AVEN: variants seen among roughly 807,000 people sequenced by gnomAD.
AVEN encodes the protein apoptosis and caspase activation inhibitor, also known as cell death regulator Aven.
A neutral mutation model predicts 38.1 loss-of-function variants in AVEN; 41 were observed. That is an observed-to-expected ratio of 1.08 (90% CI 0.84 to 1.40). The LOEUF is 1.40. AVEN is among the 40% of genes most tolerant of loss of function. The pLI, the probability that AVEN is intolerant of heterozygous loss-of-function variation, is 0.00. For synonymous variants in AVEN, 206 were observed against 171.8 expected (o/e 1.20, Z -1.56); for missense variants, 605 against 438.8 (o/e 1.38, Z -3.38).
At chr15:33,980,418 A>G (rs1896083673) in intron 2 of AVEN, among the ~76,000 whole-genome samples, 1 of 152,224 alleles carries the variant, frequency 6.6e-6, no homozygotes, top group African/African-American at 2.4e-5. Flanking sequence ...AGGCTGTTAT[A>G]GTACCGTCCC....
downstream of AVEN, among the ~76,000 whole-genome samples, chr15:33,858,379 T>A (rs1170615175): frequency 6.6e-6 from 1 of 151,700 alleles, no homozygotes; most frequent in African/African-American, 2.4e-5. Flanking sequence ...TAATTTTGTA[T>A]TTTTTTTAGT....
At chr15:33,889,334 G>A (rs1461561891) in intron 2 of AVEN, among the ~76,000 whole-genome samples, 1 of 152,052 alleles carries the variant, frequency 6.6e-6, no homozygotes, top group Non-Finnish European at 1.5e-5. Flanking sequence ...TCCCACCAAT[G>A]CCAAGATCAT....
intron 2 of AVEN, among the ~76,000 whole-genome samples, chr15:33,989,514 G>T (rs568722248): frequency 4.6e-5 from 7 of 150,604 alleles, no homozygotes; most frequent in African/African-American, 1.7e-4. Context: ...CGCCCACCAA[G>T]TGTTCCTTCT....
intron 2 of AVEN, among the ~76,000 whole-genome samples, chr15:33,883,182 C>T (rs546523544): frequency 5.3e-5 from 8 of 152,306 alleles, no homozygotes; most frequent in East Asian, 3.9e-4. Flanking sequence ...CAAACAACAT[C>T]TTGTTCCTCT....
intron 5 of AVEN, among the ~76,000 whole-genome samples, chr15:34,048,219 G>A (rs1452503169): frequency 6.6e-6 from 1 of 152,246 alleles, no homozygotes; most frequent in African/African-American, 2.4e-5. Context: ...CCTCCTCACT[G>A]GGTGGGATCT....
chr15:34,065,226 A>G (rs1900479270), intron 4 of AVEN: 1 of 152,390 alleles, frequency 6.6e-6, no homozygotes, highest in Non-Finnish European at 1.5e-5. Flanking sequence ...AGAGCCCTTC[A>G]CTGGCTGAAG....
At chr15:34,042,644 C>G (rs1351160051), upstream of AVEN, among the ~76,000 whole-genome samples, 3 of 151,808 alleles carry the variant, frequency 2.0e-5, no homozygotes, top group Admixed American at 6.6e-5. Context: ...CTCAGGTGAT[C>G]CATCCGCCTC....
downstream of AVEN, chr15:33,864,051 C>G: frequency 1.0e-6 from 1 of 965,340 alleles, no homozygotes; most frequent in East Asian, 2.5e-5. Flanking sequence ...GACCAACTAG[C>G]CTTTCTGAGC....
intron 1 of AVEN, among the ~76,000 whole-genome samples, chr15:34,020,603 C>T (rs547195078): frequency 1.8e-4 from 28 of 152,316 alleles, no homozygotes; most frequent in Non-Finnish European, 3.8e-4. Flanking sequence ...ACTGCACTTT[C>T]ATTAGTACTT....
intron 1 of AVEN, among the ~76,000 whole-genome samples, chr15:34,037,658 T>A (rs960292307): frequency 6.6e-6 from 1 of 151,432 alleles, no homozygotes; most frequent in Admixed American, 6.6e-5. Context: ...TTACACGAGG[T>A]AAACTGACCC....
chr15:34,068,649 G>A (rs4411478), intron 2 of AVEN, among the ~76,000 whole-genome samples: 150,696 of 152,290 alleles, frequency 0.99, 74,582 homozygotes, highest in Middle Eastern at 1. Flanking sequence ...TTCTATTTGG[G>A]AAACTAATAT....
chr15:33,930,858 G>A (rs916704761), intron 2 of AVEN, among the ~76,000 whole-genome samples: 4 of 151,556 alleles, frequency 2.6e-5, no homozygotes, highest in African/African-American at 9.7e-5. Context: ...GGGAGGCTGA[G>A]GCAGGAGAGT....
chr15:33,932,160 A>G (rs1315556242), intron 2 of AVEN, among the ~76,000 whole-genome samples: 1 of 152,256 alleles, frequency 6.6e-6, no homozygotes, highest in Non-Finnish European at 1.5e-5. Flanking sequence ...AGAAATGAGC[A>G]GAACCTTGAA....
At chr15:33,971,700 A>C (rs1895646220) in intron 2 of AVEN, among the ~76,000 whole-genome samples, 1 of 152,078 alleles carries the variant, frequency 6.6e-6, no homozygotes, top group African/African-American at 2.4e-5. Flanking sequence ...TATAACTTTA[A>C]GTTTTCATAA....
At position 33,871,031 on chromosome 15, in the gene AVEN, CTA is replaced by C. The variant is rs746931251; in HGVS notation, c.517-3_517-2del. On this transcript the variant is annotated splice_acceptor_variant and splice_polypyrimidine_tract_variant and intron_variant, in intron 3 of 5. Transcript: ENST00000306730. LOFTEE classifies it high-confidence loss of function. ...CACTATCCACATAAAATGCTGAATT[CTA>C]TATATATATATAAAAGAAAATAAAA... 1,193 of 1,480,680 alleles carry C rather than the reference CTA, an allele frequency of 8.1e-4. No homozygotes were observed. Among genetic ancestry groups the C allele is most frequent in the Middle Eastern group, 1.1e-3 (5 of 4,708 alleles). 91.7% of individuals were successfully genotyped at this position (1,480,680 alleles called of 1,614,324 possible).
chr15:33,887,641 T>C (rs1218442188), intron 2 of AVEN, among the ~76,000 whole-genome samples: 3 of 152,100 alleles, frequency 2.0e-5, no homozygotes, highest in African/African-American at 7.2e-5. Context: ...AGACAGACTC[T>C]GAGTTGAACA....
chr15:34,049,865 C>A (rs2140823777), intron 5 of AVEN, among the ~76,000 whole-genome samples: 1 of 150,134 alleles, frequency 6.7e-6, no homozygotes, highest in South Asian at 2.1e-4. Context: ...CCAGAAGAGA[C>A]TGGGGCCAAT....
At chr15:34,050,717 A>ACAGACTT (rs1244077792) in intron 5 of AVEN, among the ~76,000 whole-genome samples, 1 of 152,228 alleles carries the variant, frequency 6.6e-6, no homozygotes, top group Non-Finnish European at 1.5e-5. Flanking sequence ...TTCTGACAAA[A>ACAGACTT]CAGACTTTAA....
intron 1 of AVEN, among the ~76,000 whole-genome samples, chr15:34,010,087 T>C (rs1897571783): frequency 1.3e-5 from 2 of 152,128 alleles, no homozygotes; most frequent in Non-Finnish European, 2.9e-5. Flanking sequence ...TTAACAATAA[T>C]AGTTAGAAAC....
Sources: gnomAD v4.1 joint callset for allele counts (sites outside exome capture counted in the v4.1 genomes callset) on GRCh38, gnomAD v4.1.1 for gene constraint, MANE v1.5 for transcripts, NCBI Gene and HGNC (gene_info 2026-07-23, HGNC 2026-07-21) for gene names.